DLGAP2: variants seen among roughly 807,000 people sequenced by gnomAD.
DLGAP2 encodes disks large-associated protein 2.
A neutral mutation model predicts 100.3 loss-of-function variants in DLGAP2; 26 were observed. The ratio of observed to expected loss-of-function variants is 0.26; its 90% CI spans 0.19 to 0.36. The LOEUF (loss-of-function observed/expected upper bound fraction) is 0.36, where lower values mean the gene tolerates loss of function less well. Ranked by LOEUF, DLGAP2 falls within the 10% of genes least tolerant of loss-of-function variation. DLGAP2 has a pLI of 1.00. For missense variants in DLGAP2, 1,858 were observed against 1,453.2 expected, an observed-to-expected ratio of 1.28 and a Z score of -4.53; for synonymous variants, 886 against 630.1, an observed-to-expected ratio of 1.41 and a Z score of -6.08.
At chr8:1,614,835 C>G (rs1362365633) in intron 6 of DLGAP2, among the ~76,000 whole-genome samples, 1 of 142,414 alleles carries the variant, frequency 7.0e-6, no homozygotes, top group Non-Finnish European at 1.5e-5. Context: ...CACACACATG[C>G]ATTGCACGTG....
chr8:1,671,200 T>C (rs1798682115), intron 10 of DLGAP2, among the ~76,000 whole-genome samples: 1 of 152,156 alleles, frequency 6.6e-6, no homozygotes, highest in South Asian at 2.1e-4. Flanking sequence ...GCTCTGCTTC[T>C]CAAAGAGGAG....
At chr8:1,699,531 G>A (rs1235863824) in intron 14 of DLGAP2, among the ~76,000 whole-genome samples, 2 of 152,034 alleles carry the variant, frequency 1.3e-5, no homozygotes, top group African/African-American at 4.8e-5. Flanking sequence ...GGAGAATGGA[G>A]TGAACCCGGA....
At chr8:1,142,940 G>A (rs184086795) in intron 2 of DLGAP2, among the ~76,000 whole-genome samples, 3 of 152,256 alleles carry the variant, frequency 2.0e-5, no homozygotes, top group Admixed American at 6.5e-5. Flanking sequence ...AGAATTGCTC[G>A]TCATGTTCTC....
At chr8:1,213,274 G>A (rs541135147) in intron 2 of DLGAP2, among the ~76,000 whole-genome samples, 59 of 152,260 alleles carry the variant, frequency 3.9e-4, no homozygotes, top group African/African-American at 7.2e-4. Context: ...GATGTTGATC[G>A]TTTAAGAAAC....
intron 2 of DLGAP2, among the ~76,000 whole-genome samples, chr8:1,081,611 A>G (rs139941216): frequency 0.01 from 1,526 of 152,288 alleles, 24 homozygotes; most frequent in African/African-American, 0.034. Context: ...TTGGCCTCCC[A>G]AAGTGCATGG....
chr8:738,398 C>T (rs1334854117), intron 1 of DLGAP2: 1 of 152,136 alleles, frequency 6.6e-6, no homozygotes, highest in Non-Finnish European at 1.5e-5. Flanking sequence ...GCTGCCGAGA[C>T]CAGGCGGAGT....
At chr8:820,175 A>G (rs572594312) in intron 1 of DLGAP2, among the ~76,000 whole-genome samples, 1 of 152,370 alleles carries the variant, frequency 6.6e-6, no homozygotes, top group African/African-American at 2.4e-5. Flanking sequence ...TGGAGAAAAA[A>G]TTCATTTCCA....
chr8:1,349,649 G>T (rs1315050823), intron 3 of DLGAP2, among the ~76,000 whole-genome samples: 1 of 89,644 alleles, frequency 1.1e-5, no homozygotes, highest in Non-Finnish European at 2.5e-5. Flanking sequence ...TCCACACACA[G>T]GTAGGAAGGG....
chr8:913,803 A>G (rs2129000135), intron 2 of DLGAP2, among the ~76,000 whole-genome samples: 1 of 152,374 alleles, frequency 6.6e-6, no homozygotes, highest in South Asian at 2.1e-4. Context: ...TAAGTCCTGA[A>G]TTATCCACAT....
intron 2 of DLGAP2, among the ~76,000 whole-genome samples, chr8:1,144,877 A>ACAGACGGCCTGTACCCACAGTCAAACCG (rs1214144462): frequency 1.4e-5 from 2 of 145,632 alleles, no homozygotes; most frequent in Non-Finnish European, 3.0e-5. Context: ...CAGTCAAACC[A>ACAGACGGCCTGTACCCACAGTCAAACCG]CAGACGGCCT....
chr8:1,201,435 G>A (rs1193384159), intron 2 of DLGAP2, among the ~76,000 whole-genome samples: 1 of 152,174 alleles, frequency 6.6e-6, no homozygotes, highest in Non-Finnish European at 1.5e-5. Context: ...GGATGAAGAC[G>A]CCGAGAGGAC....
intron 2 of DLGAP2, among the ~76,000 whole-genome samples, chr8:1,037,273 A>C: frequency 6.6e-6 from 1 of 151,750 alleles, no homozygotes; most frequent in Admixed American, 6.6e-5. Context: ...CTCTGTTATC[A>C]CCTGGCGTGA....
At chr8:963,319 G>C (rs868614760) in intron 2 of DLGAP2, among the ~76,000 whole-genome samples, 1 of 151,956 alleles carries the variant, frequency 6.6e-6, no homozygotes, top group Non-Finnish European at 1.5e-5. Flanking sequence ...TCAGATGTGA[G>C]GGAGAAACAA....
At chr8:1,447,872 G>A (rs182156729) in intron 3 of DLGAP2, among the ~76,000 whole-genome samples, 31 of 152,272 alleles carry the variant, frequency 2.0e-4, no homozygotes, top group East Asian at 1.5e-3. Context: ...GTTTATATAC[G>A]TAGAGGTGTT....
chr8:1,701,304 C>T lies in DLGAP2; in HGVS notation c.3066C>T (p.Arg1022=). ...PDRQRQEARR[R]LMAAKRAASF... is the part of the protein sequence containing the mutation. ...GACAACGCCAGGAAGCCCGGAGGCGCCTCATGGCCGCCAAGCGAGCGGCGT... is the reference window on the plus strand; with the variant it reads ...GACAACGCCAGGAAGCCCGGAGGCGTCTCATGGCCGCCAAGCGAGCGGCGT... Residue 1022 remains arginine (R), a synonymous_variant, in exon 15 of 15, where the codon CGC becomes CGT. Coordinates refer to ENST00000637795, the MANE Select transcript of DLGAP2 (RefSeq NM_001346810.2). 6.3e-7 allele frequency: 1 copy of T among 1,586,306 alleles called. No homozygotes were observed. Among genetic ancestry groups the T allele is most frequent in the South Asian group, 1.1e-5 (1 of 86,978 alleles).
intron 6 of DLGAP2, among the ~76,000 whole-genome samples, chr8:1,602,456 A>T (rs1166104204): frequency 6.6e-6 from 1 of 152,366 alleles, no homozygotes; most frequent in East Asian, 1.9e-4. Flanking sequence ...CCACACAGGG[A>T]ATATACTGAT....
intron 1 of DLGAP2, among the ~76,000 whole-genome samples, chr8:898,343 C>G (rs1798186590): frequency 6.6e-6 from 1 of 152,180 alleles, no homozygotes; most frequent in African/African-American, 2.4e-5. Context: ...AAATCTCTTA[C>G]AAAGCACACG....
intron 2 of DLGAP2, among the ~76,000 whole-genome samples, chr8:994,433 C>T (rs1226015873): frequency 1.3e-5 from 2 of 152,162 alleles, no homozygotes; most frequent in Admixed American, 6.5e-5. Flanking sequence ...CTCCCGACCT[C>T]AGGTGATCCG....
At position 1,143,068 on chromosome 8, in the gene DLGAP2, C is replaced by A. The variant is rs112607652; in HGVS notation, c.74-115783C>A. Among the ~76,000 whole-genome samples the A allele has an allele frequency of 6.8e-3, 1,028 of 152,274 alleles. 15 individuals are homozygous for A. Among genetic ancestry groups the A allele is most frequent in the African/African-American group, 0.023 (965 of 41,560 alleles). ...CAGGGGCCTCAGGGTGTGGGACTGC[C>A]GGCCACAGCGGGGCCACCAGCTGCT... On this transcript the variant is annotated intron_variant, in intron 2 of 14. Coordinates refer to ENST00000637795, the MANE Select transcript of DLGAP2 (RefSeq NM_001346810.2).
Sources: allele counts gnomAD v4.1 joint callset (sites outside exome capture counted in the v4.1 genomes callset), GRCh38; gene constraint gnomAD v4.1.1; transcripts MANE v1.5; gene names NCBI Gene and HGNC (gene_info 2026-07-23, HGNC 2026-07-21).